The following PIGN variants were observed in gnomAD, a reference collection of about 807,000 sequenced individuals.
PIGN encodes phosphatidylinositol glycan anchor biosynthesis class N, also known as GPI ethanolamine phosphate transferase 1.
In PIGN, 117 loss-of-function variants were observed where a neutral mutation model predicts 125.4. The observed-to-expected ratio is 0.93, with a 90% CI of 0.80 to 1.09. PIGN has a LOEUF of 1.09. Ranked by LOEUF, PIGN falls within the 50% of genes least tolerant of loss-of-function variation. The pLI is 0.00. For synonymous variants in PIGN, 392 were observed against 377.8 expected (o/e 1.04, Z -0.44); for missense variants, 1,075 against 1,094.9 (o/e 0.98, Z 0.26).
At chr18:62,028,361 A>G (rs2030151141) in intron 23 of PIGN, among the ~76,000 whole-genome samples, 1 of 152,242 alleles carries the variant, frequency 6.6e-6, no homozygotes, top group Non-Finnish European at 1.5e-5. Context: ...GAAAGAATGA[A>G]TCAAACCCTC....
At chr18:62,138,386 G>T in intron 13 of PIGN, 88 bp from the exon 14 acceptor site, 5 of 1,442,530 alleles carry the variant, frequency 3.5e-6, no homozygotes, top group South Asian at 2.9e-5. Flanking sequence ...GATTCTTTAG[G>T]GATGGTTAAC....
chr18:62,053,006 GA>G, intron 30 of PIGN: 2 of 370,864 alleles, frequency 5.4e-6, no homozygotes, highest in Non-Finnish European at 4.8e-6. Context: ...AATTATGAAG[GA>G]AAAAGAACTC....
chr18:62,129,636 T>C (rs2035659218), intron 14 of PIGN, among the ~76,000 whole-genome samples: 1 of 152,206 alleles, frequency 6.6e-6, no homozygotes. Flanking sequence ...CTATACTGTC[T>C]ATATGTTCCC....
intron 6 of PIGN, among the ~76,000 whole-genome samples, chr18:62,156,272 C>T (rs1390447623): frequency 1.3e-5 from 2 of 151,998 alleles, no homozygotes; most frequent in African/African-American, 2.4e-5. Flanking sequence ...ATATCAAATG[C>T]CAGAATATAT....
chr18:62,156,721 C>T (rs146381989), intron 6 of PIGN, among the ~76,000 whole-genome samples: 169 of 152,234 alleles, frequency 1.1e-3, no homozygotes, highest in Non-Finnish European at 2.0e-3. Flanking sequence ...CATTTATAAT[C>T]AAGTTATGTG....
chr18:62,020,034 C>T (rs764571683), intron 23 of PIGN, among the ~76,000 whole-genome samples: 34 of 152,214 alleles, frequency 2.2e-4, no homozygotes, highest in Admixed American at 4.6e-4. Context: ...GGAGGAGTTG[C>T]AGATATCTGC....
In PIGN at chr18:62,114,623, T is replaced by A. The variant is rs1050258088; in HGVS notation, c.1189A>T (p.Lys397Ter). 22 of 1,505,776 alleles carry A rather than the reference T, an allele frequency of 1.5e-5. No homozygotes were observed. Among genetic ancestry groups the A allele is most frequent in the Non-Finnish European group, 1.9e-5 (21 of 1,107,076 alleles). The allele number at this position is 1,505,776 out of a possible 1,614,324, so 93.3% of individuals were successfully genotyped here. A position where few individuals can be genotyped will look rare whatever the true frequency, so the allele number is the denominator to read the frequency against. The change falls in exon 15 of 31, where the codon AAA (lysine) becomes TAA (stop). Residue 397 changes from lysine to a stop codon, truncating the protein, a stop_gained. Transcript: ENST00000640252. LOFTEE classifies it high-confidence loss of function. ...FTPFKLLSDS[K>*]QFNILRKARS... Reference sequence around the variant, plus strand: ...GCTTTTCTTAAAATGTTGAACTGTTTGGAATCAGAAAGCAGTCTATATATA... The same window carrying A: ...GCTTTTCTTAAAATGTTGAACTGTTAGGAATCAGAAAGCAGTCTATATATA...
In PIGN at chr18:62,042,907, G is replaced by C. The variant is rs2030434437; in HGVS notation, c.*2949C>G. On this transcript the variant is annotated 3_prime_UTR_variant, in exon 31 of 31. Transcript: ENST00000640252. ...CTAGCCTGAACAAGAGTGAGACCCT[G>C]TCTCAAAACAAAAACGAAAAAAAAA... is the stretch of plus-strand genomic sequence containing the variant. 7.2e-6 allele frequency: 1 copy of C among 138,312 alleles called. No individual in the cohort carries two copies. Among genetic ancestry groups the C allele is most frequent in the Admixed American group, 7.8e-5 (1 of 12,884 alleles). 8.6% of individuals were successfully genotyped at this position (138,312 alleles called of 1,614,324 possible). A position where few individuals can be genotyped will look rare whatever the true frequency, so the allele number is the denominator to read the frequency against.
intron 28 of PIGN, among the ~76,000 whole-genome samples, chr18:62,077,964 T>C (rs1037110242): frequency 1.3e-5 from 2 of 152,222 alleles, no homozygotes; most frequent in Non-Finnish European, 2.9e-5. Flanking sequence ...CTTCTGTGTT[T>C]GACTGTGTCT....
Position 62,148,403 on chromosome 18 carries a change from G to A in PIGN, c.550-65C>T, listed in dbSNP as rs1049769059. ...GTTTTATTTTAAAAATAATACTGAT[G>A]AAAACATTTAAATTTATGCATAAGT... is the stretch of plus-strand genomic sequence containing the variant. On this transcript the variant is annotated intron_variant, in intron 7 of 30. Coordinates refer to ENST00000640252, the MANE Select transcript of PIGN (RefSeq NM_176787.5). 3.3e-5 allele frequency: 37 copies of A among 1,120,040 alleles called. No individual in the cohort carries two copies. In the African/African-American group the frequency reaches 5.0e-4, roughly 15 times the overall value. 69.4% of individuals were successfully genotyped at this position (1,120,040 alleles called of 1,614,324 possible).
chr18:62,019,017 A>G (rs1297462027), intron 23 of PIGN, among the ~76,000 whole-genome samples: 4 of 152,122 alleles, frequency 2.6e-5, no homozygotes, highest in Admixed American at 6.5e-5. Context: ...AGGAGTTTGA[A>G]ACCAACATAG....
At position 62,086,611 on chromosome 18, in the gene PIGN, G is replaced by GTTTTTTTTTTTTTTTT. The variant is rs34619080; in HGVS notation, c.2371-1348_2371-1347insAAAAAAAAAAAAAAAA. Among the ~76,000 whole-genome samples, 2 of 106,820 alleles carry GTTTTTTTTTTTTTTTT rather than the reference G, an allele frequency of 1.9e-5. 1 individual carries two copies. The allele number at this position is 106,820 out of a possible 152,430, so 70.1% of individuals were successfully genotyped here. A position where few individuals can be genotyped will look rare whatever the true frequency, so the allele number is the denominator to read the frequency against. On this transcript the variant is annotated intron_variant, in intron 25 of 30. Coordinates refer to ENST00000640252, the MANE Select transcript of PIGN (RefSeq NM_176787.5). ...CAGCCTAGTGACAGAGTAAGACTCC[G>GTTTTTTTTTTTTTTTT]TTTTTTGTTTTTTTTTTTTTTTTAA...
At chr18:62,179,028 G>C (rs2037624346) in intron 1 of PIGN, among the ~76,000 whole-genome samples, 1 of 152,166 alleles carries the variant, frequency 6.6e-6, no homozygotes, top group African/African-American at 2.4e-5. Context: ...TGTGAGTTTT[G>C]AGGAGTACTG....
chr18:62,102,913 A>C lies in PIGN; in HGVS notation c.1860-11T>G. 6.9e-7 allele frequency: 1 copy of C among 1,445,870 alleles called. No homozygotes were observed. The highest frequency in any genetic ancestry group is 9.3e-7 in the Non-Finnish European group (1 of 1,073,228). 89.6% of individuals were successfully genotyped at this position (1,445,870 alleles called of 1,614,324 possible). On this transcript the variant is annotated splice_polypyrimidine_tract_variant and intron_variant, in intron 20 of 30. Coordinates refer to ENST00000640252, the MANE Select transcript of PIGN (RefSeq NM_176787.5). The stretch of plus-strand genomic sequence containing the variant: ...AAGCCTGCACCCATCCTGTTTTGAA[A>C]TACAATTAATTTTAAATTTTCTTCA...
intron 11 of PIGN, among the ~76,000 whole-genome samples, chr18:62,143,079 A>G (rs1226240338): frequency 6.6e-6 from 1 of 152,198 alleles, no homozygotes; most frequent in Non-Finnish European, 1.5e-5. Flanking sequence ...TAATTATCCA[A>G]TGTTATTTGG....
chr18:62,058,199 C>G (rs756907634), intron 30 of PIGN, among the ~76,000 whole-genome samples: 1 of 149,032 alleles, frequency 6.7e-6, no homozygotes, highest in African/African-American at 2.4e-5. Flanking sequence ...TTTCCTTAAC[C>G]CTTTTTCCTA....
intron 23 of PIGN, among the ~76,000 whole-genome samples, chr18:62,024,341 G>C (rs970551122): frequency 1.3e-5 from 2 of 152,158 alleles, no homozygotes; most frequent in Non-Finnish European, 2.9e-5. Context: ...ACATTGGAAA[G>C]AGACACGGTG....
intron 30 of PIGN, chr18:62,072,293 A>C (rs2032924650): frequency 6.3e-6 from 1 of 158,022 alleles, no homozygotes; most frequent in South Asian, 2.0e-4. Context: ...AAAGTAAAAA[A>C]GGTTACTGTA....
chr18:62,135,393 A>G (rs2035887022), intron 14 of PIGN, among the ~76,000 whole-genome samples: 1 of 152,068 alleles, frequency 6.6e-6, no homozygotes, highest in Admixed American at 6.6e-5. Context: ...ACTATGCTCT[A>G]GAGTGGGTGA....
Sources: allele counts gnomAD v4.1 joint callset (sites outside exome capture counted in the v4.1 genomes callset), GRCh38; gene constraint gnomAD v4.1.1; transcripts MANE v1.5; gene names NCBI Gene and HGNC (gene_info 2026-07-23, HGNC 2026-07-21).